LAMA2: variants seen among roughly 807,000 people sequenced by gnomAD.
LAMA2 encodes the protein laminin subunit alpha 2.
In LAMA2, 269 loss-of-function variants were observed where a neutral mutation model predicts 364.8. The observed-to-expected ratio is 0.74, with a 90% CI of 0.67 to 0.82. The LOEUF is 0.82. Ranked by LOEUF, LAMA2 falls within the 40% of genes least tolerant of loss-of-function variation. The probability of loss-of-function intolerance (pLI) is 0.00; values close to 1 mark genes in which losing one functional copy is unlikely to be tolerated. For missense variants in LAMA2, 3,807 were observed against 3,873.2 expected (o/e 0.98, Z 0.45); for synonymous variants, 1,379 against 1,370.6 (o/e 1.01, Z -0.14).
chr6:129,409,445 T>TA (rs1449010589), intron 40 of LAMA2, among the ~76,000 whole-genome samples: 1 of 152,200 alleles, frequency 6.6e-6, no homozygotes, highest in Non-Finnish European at 1.5e-5. Flanking sequence ...ATCATGTATA[T>TA]ACCACTTACA....
rs1320597519 is a variant in LAMA2 at position 129,481,260 on chromosome 6, C to T, written c.7573-3C>T. On this transcript the variant is annotated splice_region_variant and splice_polypyrimidine_tract_variant and intron_variant, in intron 54 of 64. Coordinates refer to ENST00000421865, the MANE Select transcript of LAMA2 (RefSeq NM_000426.4). ...TTCTACTCTTCTTTTCCTTTACTCACAGAATGTTTACACAGTTAGCTTTCC... is the reference window on the plus strand; with the variant it reads ...TTCTACTCTTCTTTTCCTTTACTCATAGAATGTTTACACAGTTAGCTTTCC... The T allele has an allele frequency of 1.2e-6, 2 of 1,612,634 alleles. No individual in the cohort carries two copies. The highest frequency in any genetic ancestry group is 4.5e-5 in the East Asian group (2 of 44,854).
At chr6:129,070,888 T>C (rs1472576602) in intron 3 of LAMA2, among the ~76,000 whole-genome samples, 1 of 152,162 alleles carries the variant, frequency 6.6e-6, no homozygotes, top group Non-Finnish European at 1.5e-5. Flanking sequence ...AATAAAAGTC[T>C]GAGAGAATTT....
At chr6:129,022,396 A>C (rs1208670729) in intron 1 of LAMA2, among the ~76,000 whole-genome samples, 2 of 152,140 alleles carry the variant, frequency 1.3e-5, no homozygotes, top group Non-Finnish European at 2.9e-5. Context: ...GTCTATTGGC[A>C]GGCTCTCATT....
At chr6:128,949,252 T>C (rs930134641) in intron 1 of LAMA2, among the ~76,000 whole-genome samples, 2 of 152,146 alleles carry the variant, frequency 1.3e-5, no homozygotes, top group African/African-American at 4.8e-5. Flanking sequence ...AAAATGCACT[T>C]TTGGTTCCCA....
At chr6:129,176,821 CTT>C (rs1465229726) in intron 9 of LAMA2, among the ~76,000 whole-genome samples, 8 of 151,812 alleles carry the variant, frequency 5.3e-5, no homozygotes, top group African/African-American at 1.9e-4. Context: ...TTGTTTATCT[CTT>C]GTGCACATTA....
chr6:129,256,795 T>TATATATATAGTG lies in LAMA2; in HGVS notation c.2097-3911_2097-3910insTATAGTGATATA, dbSNP rs1554257761. On this transcript the variant is annotated intron_variant, in intron 14 of 64. Transcript: ENST00000421865. ...ATATATATATATATATATATATATA[T>TATATATATAGTG]ATATAGTGGGTAGAAAAAAGACAAT... Among the ~76,000 whole-genome samples the TATATATATAGTG allele has an allele frequency of 2.7e-4, 37 of 136,130 alleles. 1 individual carries two copies. Among genetic ancestry groups the TATATATATAGTG allele is most frequent in the Non-Finnish European group, 3.2e-5 (2 of 61,636 alleles). The allele number at this position is 136,130 out of a possible 152,430, so 89.3% of individuals were successfully genotyped here. A position where few individuals can be genotyped will look rare whatever the true frequency, so the allele number is the denominator to read the frequency against.
chr6:129,269,138 A>G (rs1005328902), intron 16 of LAMA2, among the ~76,000 whole-genome samples: 16 of 152,134 alleles, frequency 1.1e-4, no homozygotes, highest in African/African-American at 3.6e-4. Flanking sequence ...TTTTGGCACC[A>G]GAACAAAATC....
rs148616139 is a variant in LAMA2, at chr6:128,942,999, T to C, written c.112+59642T>C. 1.0e-3 allele frequency among the ~76,000 whole-genome samples: 159 copies of C among 152,358 alleles called. 2 individuals carry two copies. Among genetic ancestry groups the C allele is most frequent in the Non-Finnish European group, 1.6e-3 (111 of 68,040 alleles). ...CTATAAGACTTTCATTGTCATCAGT[T>C]CTATGTGCTCTCAAATCATTGCTTT... is the stretch of plus-strand genomic sequence containing the variant. On this transcript the variant is annotated intron_variant, in intron 1 of 64. Coordinates refer to ENST00000421865, the MANE Select transcript of LAMA2 (RefSeq NM_000426.4).
intron 1 of LAMA2, among the ~76,000 whole-genome samples, chr6:129,007,493 C>T (rs1784513645): frequency 6.6e-6 from 1 of 152,100 alleles, no homozygotes; most frequent in Admixed American, 6.5e-5. Flanking sequence ...AAATGTAAAT[C>T]CTCTGTGGCA....
chr6:129,162,985 G>T (rs1484905155), intron 8 of LAMA2, among the ~76,000 whole-genome samples: 3 of 152,072 alleles, frequency 2.0e-5, no homozygotes, highest in Non-Finnish European at 4.4e-5. Context: ...CAACCTCAGA[G>T]TTAAATAAAC....
At chr6:128,898,756 T>A (rs1201792028) in intron 1 of LAMA2, among the ~76,000 whole-genome samples, 1 of 152,274 alleles carries the variant, frequency 6.6e-6, no homozygotes, top group African/African-American at 2.4e-5. Flanking sequence ...TAAGAATAAA[T>A]TCTAAATTCA....
chr6:129,089,376 C>A (rs1421931322), intron 3 of LAMA2, among the ~76,000 whole-genome samples: 1 of 152,066 alleles, frequency 6.6e-6, no homozygotes, highest in Non-Finnish European at 1.5e-5. Context: ...GTTCATCTTA[C>A]CTTGGTAAAT....
At chr6:129,510,273 A>T (rs1235747379) in intron 62 of LAMA2, among the ~76,000 whole-genome samples, 1 of 152,228 alleles carries the variant, frequency 6.6e-6, no homozygotes, top group African/African-American at 2.4e-5. Flanking sequence ...TGCAGGATAC[A>T]AAGTCAACAT....
intron 1 of LAMA2, among the ~76,000 whole-genome samples, chr6:128,917,714 C>T (rs867432219): frequency 0.014 from 1,526 of 110,286 alleles, 20 homozygotes; most frequent in African/African-American, 0.049. Context: ...TTTTTTCTTT[C>T]TTTCTTTCTT....
intron 12 of LAMA2, among the ~76,000 whole-genome samples, chr6:129,239,477 ACT>A (rs1161551556): frequency 1.3e-5 from 2 of 152,176 alleles, no homozygotes; most frequent in Non-Finnish European, 2.9e-5. Flanking sequence ...CAGTGGACTA[ACT>A]CTAATATTTA....
At chr6:129,095,387 T>A (rs1257670241) in intron 3 of LAMA2, among the ~76,000 whole-genome samples, 1 of 152,218 alleles carries the variant, frequency 6.6e-6, no homozygotes, top group Non-Finnish European at 1.5e-5. Context: ...ACAGCATTCC[T>A]ATATAAAAAA....
chr6:129,050,021 T>C lies in LAMA2; in HGVS notation c.216T>C (p.His72=), dbSNP rs376658270. The C allele has an allele frequency of 3.1e-5, 50 of 1,614,018 alleles. No homozygotes were observed. In the Middle Eastern group the frequency reaches 2.1e-3, roughly 69 times the overall value. ...GPEMYCKLVE[H]VPGQPVRNPQ... is the part of the protein sequence containing the mutation. ...AAATGTACTGCAAATTGGTAGAACA[T>C]GTCCCTGGGCAGCCTGTGAGGAACC... Residue 72 remains histidine, a synonymous_variant, in exon 2 of 65, where the codon CAT becomes CAC. Transcript: ENST00000421865.
At chr6:129,042,963 T>C (rs1787210274) in intron 1 of LAMA2, among the ~76,000 whole-genome samples, 1 of 152,184 alleles carries the variant, frequency 6.6e-6, no homozygotes, top group South Asian at 2.1e-4. Flanking sequence ...TGATAAAAAC[T>C]TCTATGAACA....
intron 1 of LAMA2, among the ~76,000 whole-genome samples, chr6:129,025,096 A>T (rs1457056214): frequency 6.6e-6 from 1 of 152,212 alleles, no homozygotes; most frequent in East Asian, 1.9e-4. Context: ...CCCATTACAC[A>T]TTATAAGTGT....
Sources: allele counts gnomAD v4.1 joint callset (sites outside exome capture counted in the v4.1 genomes callset), GRCh38; gene constraint gnomAD v4.1.1; transcripts MANE v1.5; gene names NCBI Gene and HGNC (gene_info 2026-07-23, HGNC 2026-07-21).